AGBL1: variants seen among roughly 807,000 people sequenced by gnomAD.
AGBL1 encodes AGBL carboxypeptidase 1.
In AGBL1, 130 loss-of-function variants were observed where a neutral mutation model predicts 118.9. The observed-to-expected ratio is 1.09, with a 90% CI of 0.95 to 1.26. The LOEUF is 1.26. Among genes scored for constraint, AGBL1 ranks in the 50% most tolerant of loss-of-function variants. The pLI is 0.00. For synonymous variants in AGBL1, 555 were observed against 478.9 expected, an observed-to-expected ratio of 1.16 and a Z score of -2.08; for missense variants, 1,584 against 1,298.1, an observed-to-expected ratio of 1.22 and a Z score of -3.38.
At chr15:86,365,491 T>C (rs1430892393) in intron 17 of AGBL1, among the ~76,000 whole-genome samples, 1 of 152,142 alleles carries the variant, frequency 6.6e-6, no homozygotes, top group African/African-American at 2.4e-5. Flanking sequence ...TCAACAACTG[T>C]TTGGAAAAAT....
At chr15:86,300,557 T>G (rs1481830104) in intron 17 of AGBL1, among the ~76,000 whole-genome samples, 1 of 152,134 alleles carries the variant, frequency 6.6e-6, no homozygotes, top group Non-Finnish European at 1.5e-5. Context: ...CAAAGGTGGC[T>G]GGGAGGGGGT....
chr15:86,138,855 A>G (rs1185193317), intron 1 of AGBL1, among the ~76,000 whole-genome samples: 1 of 152,182 alleles, frequency 6.6e-6, no homozygotes, highest in East Asian at 1.9e-4. Flanking sequence ...CTACAGGTCT[A>G]TCCAGAAATG....
At chr15:86,880,547 CTG>C (rs1174809555) in intron 22 of AGBL1, among the ~76,000 whole-genome samples, 1 of 152,036 alleles carries the variant, frequency 6.6e-6, no homozygotes, top group African/African-American at 2.4e-5. Flanking sequence ...GGGGTTTTTC[CTG>C]TGTGTCTATG....
chr15:86,778,309 A>G (rs548444614), intron 22 of AGBL1, among the ~76,000 whole-genome samples: 69 of 152,214 alleles, frequency 4.5e-4, no homozygotes, highest in African/African-American at 1.4e-3. Context: ...CGGGCACACA[A>G]TTTCATTGAT....
At chr15:86,169,021 G>A (rs1597486817) in intron 5 of AGBL1, among the ~76,000 whole-genome samples, 2 of 152,284 alleles carry the variant, frequency 1.3e-5, no homozygotes, top group Admixed American at 1.3e-4. Flanking sequence ...ATTAGGCAAC[G>A]AAGGGCAGTG....
chr15:86,208,848 T>A (rs1368112478), intron 5 of AGBL1, among the ~76,000 whole-genome samples: 3 of 152,206 alleles, frequency 2.0e-5, no homozygotes, highest in Non-Finnish European at 2.9e-5. Flanking sequence ...TAGTTATTTC[T>A]TGCCTTATGC....
intron 21 of AGBL1, among the ~76,000 whole-genome samples, chr15:86,557,327 G>A (rs929880947): frequency 3.3e-5 from 5 of 152,190 alleles, no homozygotes; most frequent in Non-Finnish European, 1.5e-5. Context: ...CTGAGTGTTT[G>A]TGACCTGAGG....
chr15:86,635,261 C>CTT (rs2085057177), intron 21 of AGBL1, among the ~76,000 whole-genome samples: 2 of 88,284 alleles, frequency 2.3e-5, no homozygotes, highest in East Asian at 4.9e-4. Context: ...CCTCCCCCTC[C>CTT]CCCTCCTCCT....
At chr15:86,088,830 G>T (rs1468237574) in intron 1 of AGBL1, among the ~76,000 whole-genome samples, 1 of 151,998 alleles carries the variant, frequency 6.6e-6, no homozygotes, top group South Asian at 2.1e-4. Flanking sequence ...ATTAGCTACC[G>T]GGTCACTGTA....
intron 1 of AGBL1, among the ~76,000 whole-genome samples, chr15:86,141,123 G>A (rs1597448013): frequency 6.6e-6 from 1 of 152,196 alleles, no homozygotes; most frequent in African/African-American, 2.4e-5. Context: ...TGGCCTTGCT[G>A]TATGTATTAC....
chr15:86,659,258 G>A (rs987782914), intron 21 of AGBL1, among the ~76,000 whole-genome samples: 1 of 152,140 alleles, frequency 6.6e-6, no homozygotes, highest in Non-Finnish European at 1.5e-5. Flanking sequence ...AACAGTGCAA[G>A]AATTGGTGTT....
At chr15:86,407,075 G>A (rs1161161136) in intron 18 of AGBL1, among the ~76,000 whole-genome samples, 1 of 152,100 alleles carries the variant, frequency 6.6e-6, no homozygotes, top group African/African-American at 2.4e-5. Flanking sequence ...AGAAGTGACT[G>A]GTCCTCATAT....
intron 22 of AGBL1, among the ~76,000 whole-genome samples, chr15:86,768,862 G>T (rs2078132553): frequency 6.6e-6 from 1 of 151,888 alleles, no homozygotes. Context: ...AATATAATAG[G>T]TACCCTTTAA....
At position 86,195,545 on chromosome 15, in the gene AGBL1, A is replaced by G. The variant is rs2077788299; in HGVS notation, c.489-29369A>G. Among the ~76,000 whole-genome samples the G allele has an allele frequency of 2.6e-5, 4 of 152,300 alleles. No individual in the cohort carries two copies. In the South Asian group the frequency reaches 8.3e-4, roughly 32 times the overall value. On this transcript the variant is annotated intron_variant, in intron 5 of 22. Coordinates refer to ENST00000614907, the MANE Select transcript of AGBL1 (RefSeq NM_001386094.1). ...ATGCCTAGAAAATAAAAAAGATTGG[A>G]TATCTATTACAGCTTCTTAAAAGTC...
chr15:86,252,095 A>T (rs2035084294), intron 7 of AGBL1, among the ~76,000 whole-genome samples: 1 of 152,222 alleles, frequency 6.6e-6, no homozygotes, highest in African/African-American at 2.4e-5. Flanking sequence ...CCGAGGTGAG[A>T]TGCAAGATTC....
chr15:86,450,647 G>T (rs1300938167), intron 18 of AGBL1, among the ~76,000 whole-genome samples: 3 of 152,148 alleles, frequency 2.0e-5, no homozygotes, highest in Non-Finnish European at 2.9e-5. Context: ...TTAGAATTGG[G>T]GTTAGAGATA....
downstream of AGBL1, among the ~76,000 whole-genome samples, chr15:87,031,268 C>T (rs2081779869): frequency 6.6e-6 from 1 of 151,768 alleles, no homozygotes; most frequent in Non-Finnish European, 1.5e-5. Context: ...CTGATGTAAC[C>T]ATAATTACAA....
intron 18 of AGBL1, among the ~76,000 whole-genome samples, chr15:86,460,501 T>TAAAAC (rs1246216410): frequency 1.4e-5 from 2 of 143,084 alleles, no homozygotes; most frequent in African/African-American, 2.6e-5. Flanking sequence ...CCTTGTGTCT[T>TAAAAC]AAAACAAAAC....
At chr15:86,634,660 C>T (rs2085047464) in intron 21 of AGBL1, among the ~76,000 whole-genome samples, 1 of 151,930 alleles carries the variant, frequency 6.6e-6, no homozygotes, top group Admixed American at 6.6e-5. Context: ...CTGTGAATAT[C>T]CTAAACAAAC....
Sources: gnomAD v4.1 joint callset for allele counts (sites outside exome capture counted in the v4.1 genomes callset) on GRCh38, gnomAD v4.1.1 for gene constraint, MANE v1.5 for transcripts, NCBI Gene and HGNC (gene_info 2026-07-23, HGNC 2026-07-21) for gene names.